Variants in FOXP1 observed in about 807,000 individuals in gnomAD.
FOXP1 encodes the protein forkhead box P1.
In FOXP1, 15 loss-of-function variants were observed where a neutral mutation model predicts 98.2. The observed-to-expected ratio is 0.15, with a 90% confidence interval of 0.10 to 0.24. FOXP1 has a LOEUF of 0.24. FOXP1 is among the 10% of genes least tolerant of loss of function. The pLI, the probability that FOXP1 is intolerant of heterozygous loss-of-function variation, is 1.00. For synonymous variants in FOXP1, 371 were observed against 314.5 expected, an observed-to-expected ratio of 1.18 and a Z score of -1.90; for missense variants, 633 against 848.5, an observed-to-expected ratio of 0.75 and a Z score of 3.15.
intron 13 of FOXP1, among the ~76,000 whole-genome samples, chr3:70,995,250 C>A (rs1236009743): frequency 6.6e-6 from 1 of 152,174 alleles, no homozygotes; most frequent in African/African-American, 2.4e-5. Context: ...CCCAATATCG[C>A]GGAAGCTTCA....
At chr3:71,505,086 G>A (rs1001063912) in intron 2 of FOXP1, among the ~76,000 whole-genome samples, 1 of 152,200 alleles carries the variant, frequency 6.6e-6, no homozygotes, top group Admixed American at 6.5e-5. Context: ...TTAACCACCA[G>A]TGAATACTAC....
chr3:71,273,512 T>C (rs1465561440), intron 5 of FOXP1, among the ~76,000 whole-genome samples: 1 of 152,208 alleles, frequency 6.6e-6, no homozygotes, highest in Admixed American at 6.5e-5. Flanking sequence ...AGCACAAAAG[T>C]TGGCTGGTAT....
chr3:71,451,502 T>A (rs1413913580), intron 3 of FOXP1, among the ~76,000 whole-genome samples: 1 of 152,076 alleles, frequency 6.6e-6, no homozygotes, highest in Non-Finnish European at 1.5e-5. Flanking sequence ...AATTTTCGTA[T>A]GTGTTTTAGA....
chr3:71,163,133 G>T (rs1358821437), intron 6 of FOXP1, among the ~76,000 whole-genome samples: 3 of 152,182 alleles, frequency 2.0e-5, no homozygotes, highest in African/African-American at 7.2e-5. Flanking sequence ...AACGATGCAC[G>T]TGAATAACAG....
intron 2 of FOXP1, among the ~76,000 whole-genome samples, chr3:71,563,197 G>T (rs1230672874): frequency 6.6e-6 from 1 of 152,202 alleles, no homozygotes; most frequent in Non-Finnish European, 1.5e-5. Flanking sequence ...AGCCCTAGGG[G>T]AGAGATGCAA....
chr3:71,574,693 AT>A (rs1383705716), intron 2 of FOXP1, among the ~76,000 whole-genome samples: 2 of 152,216 alleles, frequency 1.3e-5, no homozygotes, highest in Non-Finnish European at 2.9e-5. Context: ...AGAAAAAAAA[AT>A]TCTAGAGAGT....
At chr3:71,301,504 C>T (rs375740797) in intron 4 of FOXP1, among the ~76,000 whole-genome samples, 4 of 152,298 alleles carry the variant, frequency 2.6e-5, no homozygotes, top group African/African-American at 7.2e-5. Flanking sequence ...GCAGATCCTA[C>T]TCAATTCAAA....
chr3:71,397,105 T>TATATGTGTATATATATATAC (rs2081581852), intron 3 of FOXP1, among the ~76,000 whole-genome samples: 4 of 113,806 alleles, frequency 3.5e-5, no homozygotes, highest in Admixed American at 2.8e-4. Context: ...TATATACATA[T>TATATGTGTATATATATATAC]ATATATATGT....
intron 2 of FOXP1, among the ~76,000 whole-genome samples, chr3:71,519,353 A>G (rs544850606): frequency 7.2e-5 from 11 of 152,248 alleles, no homozygotes; most frequent in Non-Finnish European, 1.6e-4. Flanking sequence ...GAGACTTTAC[A>G]TAGTACATCA....
At chr3:71,296,094 C>A (rs1013933794) in intron 5 of FOXP1, 3 of 152,162 alleles carry the variant, frequency 2.0e-5, no homozygotes, top group African/African-American at 7.2e-5. Context: ...ACCATAGAAT[C>A]CAAATTTTCA....
chr3:71,262,803 T>C (rs2069287270), intron 5 of FOXP1, among the ~76,000 whole-genome samples: 1 of 152,216 alleles, frequency 6.6e-6, no homozygotes, highest in Non-Finnish European at 1.5e-5. Flanking sequence ...CCTAGTATTG[T>C]GACTAGTTTT....
At chr3:71,404,473 A>G (rs2082178534) in intron 3 of FOXP1, among the ~76,000 whole-genome samples, 1 of 151,730 alleles carries the variant, frequency 6.6e-6, no homozygotes, top group East Asian at 1.9e-4. Flanking sequence ...GTTACTTTTG[A>G]TATTGTTAAT....
intron 4 of FOXP1, chr3:71,335,317 A>G (rs1054778052): frequency 6.6e-6 from 1 of 152,054 alleles, no homozygotes; most frequent in African/African-American, 2.4e-5. Flanking sequence ...GAGTTAGACT[A>G]GGGATAGCAT....
intron 5 of FOXP1, among the ~76,000 whole-genome samples, chr3:71,240,386 C>T (rs2067152706): frequency 2.0e-5 from 3 of 152,234 alleles, no homozygotes; most frequent in Admixed American, 2.0e-4. Context: ...AGCAGGGTAG[C>T]AGCGATGGGC....
chr3:71,223,041 T>C (rs1312117662), intron 5 of FOXP1, among the ~76,000 whole-genome samples: 1 of 152,196 alleles, frequency 6.6e-6, no homozygotes, highest in African/African-American at 2.4e-5. Flanking sequence ...TGTCATCATC[T>C]TTCTCCTGAA....
chr3:71,371,565 C>T (rs1356539289), intron 3 of FOXP1, among the ~76,000 whole-genome samples: 1 of 152,140 alleles, frequency 6.6e-6, no homozygotes, highest in Non-Finnish European at 1.5e-5. Context: ...GCAGGAAGAT[C>T]GCTTGAAGCC....
At chr3:71,117,207 C>T (rs969400020) in intron 6 of FOXP1, among the ~76,000 whole-genome samples, 2 of 152,168 alleles carry the variant, frequency 1.3e-5, no homozygotes, top group East Asian at 1.9e-4. Context: ...CCCACCTCAG[C>T]CTCCTGAATA....
intron 4 of FOXP1, among the ~76,000 whole-genome samples, chr3:71,347,001 A>G (rs1383840582): frequency 1.3e-5 from 2 of 152,022 alleles, no homozygotes; most frequent in Non-Finnish European, 2.9e-5. Flanking sequence ...CCACCATTGC[A>G]CTCCAGCCTG....
chr3:71,253,309 G>C (rs1014940216), intron 5 of FOXP1, among the ~76,000 whole-genome samples: 2 of 152,140 alleles, frequency 1.3e-5, no homozygotes, highest in Non-Finnish European at 2.9e-5. Flanking sequence ...CCGGCAACTT[G>C]GCTTCATAAT....
Sources: gnomAD v4.1 joint callset for allele counts (sites outside exome capture counted in the v4.1 genomes callset) on GRCh38, gnomAD v4.1.1 for gene constraint, MANE v1.5 for transcripts, NCBI Gene and HGNC (gene_info 2026-07-23, HGNC 2026-07-21) for gene names.